The following MYO6 variants were observed in gnomAD, a reference collection of about 807,000 sequenced individuals.
MYO6 encodes the protein unconventional myosin-VI.
In MYO6, 74 loss-of-function variants were observed where a neutral mutation model predicts 178.7. The observed-to-expected ratio is 0.41, with a 90% CI of 0.34 to 0.50. The LOEUF is 0.50. Ranked by LOEUF, MYO6 falls within the 20% of genes least tolerant of loss-of-function variation. MYO6 has a pLI of 0.09. For missense variants in MYO6, 1,330 were observed against 1,547.4 expected, an observed-to-expected ratio of 0.86 and a Z score of 2.36; for synonymous variants, 477 against 504.6, an observed-to-expected ratio of 0.95 and a Z score of 0.73.
intron 1 of MYO6, among the ~76,000 whole-genome samples, chr6:75,817,292 G>A (rs1771360134): frequency 1.4e-5 from 2 of 142,572 alleles, no homozygotes; most frequent in Non-Finnish European, 3.0e-5. Flanking sequence ...GTGAGAGAGT[G>A]AGATTCCGTC....
intron 1 of MYO6, among the ~76,000 whole-genome samples, chr6:75,753,515 G>T (rs1342841908): frequency 6.7e-6 from 1 of 150,212 alleles, no homozygotes; most frequent in Non-Finnish European, 1.5e-5. Flanking sequence ...CATGCCACAT[G>T]CAGTGGCATG....
At chr6:75,888,658 A>G (rs1778659867) in intron 25 of MYO6, among the ~76,000 whole-genome samples, 1 of 151,958 alleles carries the variant, frequency 6.6e-6, no homozygotes. Context: ...ATACCTCCAC[A>G]TTAACAAATT....
At position 75,881,712 on chromosome 6, in the gene MYO6, G is replaced by A; in HGVS notation, c.2310G>A (p.Met770Ile). The A allele has an allele frequency of 6.2e-7, 1 of 1,613,892 alleles. No individual in the cohort carries two copies. Among genetic ancestry groups the A allele is most frequent in the South Asian group, 1.1e-5 (1 of 91,076 alleles). ...PGKFAEFDQIMKSDPDHLAEL... is the reference protein window; with the variant it reads ...PGKFAEFDQIIKSDPDHLAEL... ...AGTTTGCAGAATTTGATCAGATCATGAAGTCTGACCCTGACCACTTAGCAG... is the reference window on the plus strand; with the variant it reads ...AGTTTGCAGAATTTGATCAGATCATAAAGTCTGACCCTGACCACTTAGCAG... Residue 770 changes from methionine to isoleucine, a missense_variant, in exon 23 of 35, where the codon ATG becomes ATA. Around this residue, in one of 3 missense-constraint regions of MYO6, gnomAD observed 613 missense variants for 816.8 expected, o/e 0.75. Transcript: ENST00000369977.
chr6:75,762,746 T>C (rs568793704), intron 1 of MYO6, among the ~76,000 whole-genome samples: 1 of 152,344 alleles, frequency 6.6e-6, no homozygotes, highest in African/African-American at 2.4e-5. Flanking sequence ...ATCTAAGCCA[T>C]TGTCTGCAGC....
intron 1 of MYO6, among the ~76,000 whole-genome samples, chr6:75,769,854 C>T (rs1176942494): frequency 2.0e-5 from 3 of 151,982 alleles, no homozygotes; most frequent in African/African-American, 7.3e-5. Context: ...GAGCTGAGAT[C>T]GTGCCATTGC....
intron 20 of MYO6, 118 bp from the exon 21 acceptor site, chr6:75,879,702 T>C (rs1777861254): frequency 7.2e-7 from 1 of 1,381,120 alleles, no homozygotes. Flanking sequence ...ATTTAGTTGC[T>C]GATAATTCTC....
intron 1 of MYO6, among the ~76,000 whole-genome samples, chr6:75,788,169 T>C (rs551965668): frequency 6.6e-6 from 1 of 152,142 alleles, no homozygotes; most frequent in South Asian, 2.1e-4. Context: ...ACATTAACAG[T>C]GCAAAAGTTT....
At position 75,891,298 on chromosome 6, in the gene MYO6, C is replaced by A. The variant is rs371006216; in HGVS notation, c.2938C>A (p.Arg980Ser). The A allele has an allele frequency of 6.2e-7, 1 of 1,604,608 alleles. No homozygotes were observed. Among genetic ancestry groups the A allele is most frequent in the Non-Finnish European group, 8.5e-7 (1 of 1,173,598 alleles). ...ERKKREDDEK[R>S]IQAEVEAQLA... ...AAAGAAAAGGGAAGATGATGAAAAA[C>A]GCATTCAAGTATGTACTTACTGGGT... The change falls in exon 27 of 35, where the codon CGC becomes AGC. Residue 980 changes from arginine (R) to serine (S), a missense_variant. Arg to Ser is a moderately radical substitution (Grantham distance 110, BLOSUM62 -1). Coordinates refer to ENST00000369977, the MANE Select transcript of MYO6 (RefSeq NM_004999.4).
intron 18 of MYO6, among the ~76,000 whole-genome samples, chr6:75,870,078 C>T (rs1382444070): frequency 2.0e-5 from 3 of 151,550 alleles, no homozygotes; most frequent in Non-Finnish European, 2.9e-5. Context: ...CATGCCACTG[C>T]ACTCTAGCCT....
chr6:75,764,588 A>G (rs889756681), intron 1 of MYO6, among the ~76,000 whole-genome samples: 4 of 152,148 alleles, frequency 2.6e-5, no homozygotes, highest in Admixed American at 2.0e-4. Context: ...TAAACTGCCT[A>G]GCGAGGGGCT....
intron 9 of MYO6, among the ~76,000 whole-genome samples, chr6:75,844,659 T>C (rs538441100): frequency 1.3e-5 from 2 of 152,254 alleles, no homozygotes; most frequent in East Asian, 3.9e-4. Flanking sequence ...CATTGATTTT[T>C]AATCATTTTA....
chr6:75,856,679 A>G (rs1267299438), intron 12 of MYO6, among the ~76,000 whole-genome samples: 1 of 152,174 alleles, frequency 6.6e-6, no homozygotes, highest in African/African-American at 2.4e-5. Flanking sequence ...AAATAGTAGA[A>G]TGGGACAGTT....
At chr6:75,787,744 A>C (rs1391730656) in intron 1 of MYO6, among the ~76,000 whole-genome samples, 11 of 113,860 alleles carry the variant, frequency 9.7e-5, no homozygotes, top group East Asian at 5.6e-4. Context: ...ATATATATAT[A>C]TATATATATA....
At chr6:75,754,526 A>G (rs1218722881) in intron 1 of MYO6, among the ~76,000 whole-genome samples, 2 of 150,366 alleles carry the variant, frequency 1.3e-5, no homozygotes, top group African/African-American at 4.9e-5. Flanking sequence ...TCTCAAAAAA[A>G]AAAAAAAAAA....
intron 30 of MYO6, among the ~76,000 whole-genome samples, chr6:75,906,196 C>T (rs1352493116): frequency 6.6e-6 from 1 of 151,496 alleles, no homozygotes; most frequent in Non-Finnish European, 1.5e-5. Flanking sequence ...TTTTGTGCCA[C>T]CTTCTTTTCA....
Position 75,866,275 on chromosome 6 carries a change from C to CTG in MYO6, c.1675-219_1675-218dup, listed in dbSNP as rs10687890. Among the ~76,000 whole-genome samples, 11,281 of 119,090 alleles carry CTG rather than the reference C, an allele frequency of 0.095. 566 individuals are homozygous for CTG. Among genetic ancestry groups the CTG allele is most frequent in the East Asian group, 0.34 (1,490 of 4,376 alleles). 78.1% of individuals were successfully genotyped at this position (119,090 alleles called of 152,430 possible). A position where few individuals can be genotyped will look rare whatever the true frequency, so the allele number is the denominator to read the frequency against. The stretch of plus-strand genomic sequence containing the variant: ...TTTCTCTCCGTCTCTGTCTCTGTCT[C>CTG]TGTGTGTGTGTGTGTGTGTGTGTGT... On this transcript the variant is annotated intron_variant, in intron 16 of 34. Coordinates refer to ENST00000369977, the MANE Select transcript of MYO6 (RefSeq NM_004999.4).
At chr6:75,751,373 GA>G in intron 1 of MYO6, among the ~76,000 whole-genome samples, 1 of 152,016 alleles carries the variant, frequency 6.6e-6, no homozygotes, top group Non-Finnish European at 1.5e-5. Flanking sequence ...ACAGAAGTAT[GA>G]ATGACATTTA....
At chr6:75,766,148 C>A (rs887102639) in intron 1 of MYO6, among the ~76,000 whole-genome samples, 4 of 152,074 alleles carry the variant, frequency 2.6e-5, no homozygotes, top group African/African-American at 7.2e-5. Flanking sequence ...CATGGCGAAA[C>A]CCCGTCTCTA....
intron 20 of MYO6, 99 bp from the exon 21 acceptor site, chr6:75,879,721 C>T: frequency 6.5e-7 from 1 of 1,533,726 alleles, no homozygotes; most frequent in South Asian, 1.1e-5. Flanking sequence ...TCATAAATTG[C>T]CCGTTTCTAA....
Sources: allele counts gnomAD v4.1 joint callset (sites outside exome capture counted in the v4.1 genomes callset), GRCh38; gene constraint gnomAD v4.1.1; regional missense constraint gnomAD v4.1.1; transcripts MANE v1.5; gene names NCBI Gene and HGNC (gene_info 2026-07-23, HGNC 2026-07-21).